Variants in PGAP4 observed in about 807,000 individuals in gnomAD.
PGAP4 encodes the protein GPI-N-acetylgalactosamine transferase PGAP4.
PGAP4 carries 12 observed loss-of-function variants against 28.2 expected under a neutral mutation model. That is an observed-to-expected ratio of 0.42 (90% CI 0.27 to 0.69). PGAP4 has a LOEUF of 0.69. Among genes scored for constraint, PGAP4 ranks in the 30% least tolerant of loss-of-function variants. PGAP4 has a pLI of 0.22. For missense variants in PGAP4, 425 were observed against 513.5 expected, an observed-to-expected ratio of 0.83 and a Z score of 1.67; for synonymous variants, 205 against 211.8, an observed-to-expected ratio of 0.97 and a Z score of 0.28.
intron 2 of PGAP4, among the ~76,000 whole-genome samples, chr9:101,512,696 A>G (rs981640725): frequency 2.0e-5 from 3 of 152,188 alleles, no homozygotes; most frequent in Admixed American, 2.0e-4. Flanking sequence ...CAACAACAAC[A>G]ACAATAATAC....
At chr9:101,494,457 T>A (rs1826718864) in intron 2 of PGAP4, among the ~76,000 whole-genome samples, 1 of 151,920 alleles carries the variant, frequency 6.6e-6, no homozygotes, top group Non-Finnish European at 1.5e-5. Context: ...TAAAAACATT[T>A]AAGTAAAGAG....
In PGAP4 at chr9:101,505,856, G is replaced by T. The variant is rs560381324; in HGVS notation, c.-164-16656C>A. Among the ~76,000 whole-genome samples the T allele has an allele frequency of 2.6e-5, 4 of 152,190 alleles. No individual in the cohort carries two copies. The East Asian group carries it at 7.7e-4, about 29-fold the overall frequency. On this transcript the variant is annotated intron_variant, in intron 2 of 3. Coordinates refer to the PGAP4 transcript ENST00000374851. ...TTCGTAAAAACACAAAAGATAGGTA[G>T]GTGCCTACAGGTTTAGCTGAATTAG... is the stretch of plus-strand genomic sequence containing the variant.
intron 2 of PGAP4, among the ~76,000 whole-genome samples, chr9:101,519,228 G>A (rs189144587): frequency 1.0e-3 from 152 of 152,198 alleles, no homozygotes; most frequent in African/African-American, 3.3e-3. Context: ...TGCAATCTCC[G>A]CTCACTGCAA....
intron 1 of PGAP4, chr9:101,480,655 A>C (rs1588196920): frequency 6.6e-6 from 1 of 152,220 alleles, no homozygotes; most frequent in Non-Finnish European, 1.5e-5. Flanking sequence ...ACATTAATGC[A>C]ATCTACCACA....
intron 2 of PGAP4, among the ~76,000 whole-genome samples, chr9:101,505,859 G>C (rs1303023980): frequency 6.6e-6 from 1 of 152,080 alleles, no homozygotes; most frequent in Admixed American, 6.6e-5. Context: ...ATAGGTAGGT[G>C]CCTACAGGTT....
upstream of PGAP4, among the ~76,000 whole-genome samples, chr9:101,487,361 C>T (rs1304865815): frequency 6.6e-6 from 1 of 152,236 alleles, no homozygotes; most frequent in Non-Finnish European, 1.5e-5. Context: ...ACCAATGGAA[C>T]GATATCTCTC....
intron 2 of PGAP4, among the ~76,000 whole-genome samples, chr9:101,523,226 C>G (rs964697876): frequency 6.6e-6 from 1 of 152,084 alleles, no homozygotes; most frequent in South Asian, 2.1e-4. Flanking sequence ...GTTCTTTGTG[C>G]TTCTTGTGTT....
At chr9:101,517,273 A>G (rs1312078634) in intron 2 of PGAP4, among the ~76,000 whole-genome samples, 2 of 149,102 alleles carry the variant, frequency 1.3e-5, no homozygotes, top group Non-Finnish European at 2.9e-5. Context: ...AATGACAAAG[A>G]AGATGTTGTG....
rs578149675 is a variant in PGAP4 at position 101,526,679 on chromosome 9, C to T, written c.-165+4669G>A. Reference sequence around the variant, plus strand: ...GGCCAGGCTGCTCTTGAACTCCTGACGTCAGGTGATCCACCCACCTTGACC... The same window carrying T: ...GGCCAGGCTGCTCTTGAACTCCTGATGTCAGGTGATCCACCCACCTTGACC... On this transcript the variant is annotated intron_variant, in intron 2 of 3. Coordinates refer to the PGAP4 transcript ENST00000374851. Among the ~76,000 whole-genome samples the T allele has an allele frequency of 9.8e-4, 149 of 152,272 alleles. 1 individual carries two copies. The highest frequency in any genetic ancestry group is 3.0e-3 in the African/African-American group (126 of 41,558).
intron 2 of PGAP4, among the ~76,000 whole-genome samples, chr9:101,525,867 A>T (rs542337805): frequency 4.5e-4 from 69 of 152,314 alleles, no homozygotes; most frequent in Middle Eastern, 3.4e-3. Flanking sequence ...ATATTCGAGG[A>T]CATTTCATGA....
At chr9:101,531,909 A>G (rs1434979062) in intron 1 of PGAP4, among the ~76,000 whole-genome samples, 1 of 152,264 alleles carries the variant, frequency 6.6e-6, no homozygotes, top group Non-Finnish European at 1.5e-5. Context: ...GGAACCAGTA[A>G]AGATTAGTGG....
At chr9:101,495,042 T>A (rs371512202) in intron 2 of PGAP4, among the ~76,000 whole-genome samples, 2 of 142,578 alleles carry the variant, frequency 1.4e-5, no homozygotes, top group African/African-American at 5.1e-5. Context: ...CAATACCATA[T>A]CCCTAAATGT....
chr9:101,504,141 A>G lies in PGAP4; in HGVS notation c.-164-14941T>C, dbSNP rs1443071440. 2.0e-5 allele frequency among the ~76,000 whole-genome samples: 3 copies of G among 148,340 alleles called. No homozygotes were observed. In the East Asian group the frequency reaches 6.0e-4, roughly 30 times the overall value. On this transcript the variant is annotated intron_variant, in intron 2 of 3. Coordinates refer to the PGAP4 transcript ENST00000374851. ...AGTCCTCTCTACTTTATCCCTTACT[A>G]TGAAAGTAACCTGATATTAACCAAT...
chr9:101,532,073 C>T (rs568772030), intron 1 of PGAP4, among the ~76,000 whole-genome samples: 5 of 152,092 alleles, frequency 3.3e-5, no homozygotes, highest in African/African-American at 1.2e-4. Context: ...AGTTTGAGAC[C>T]GGCCTAGCCA....
At chr9:101,508,126 G>GTTT (rs199835888) in intron 2 of PGAP4, among the ~76,000 whole-genome samples, 2 of 127,738 alleles carry the variant, frequency 1.6e-5, no homozygotes, top group Non-Finnish European at 3.3e-5. Flanking sequence ...CTTTTTGAGT[G>GTTT]TTTTTTTTTT....
At chr9:101,503,680 G>A (rs1826823327) in intron 2 of PGAP4, among the ~76,000 whole-genome samples, 1 of 151,950 alleles carries the variant, frequency 6.6e-6, no homozygotes, top group African/African-American at 2.4e-5. Context: ...GGAGGTAAGA[G>A]AGGTGGTAAC....
chr9:101,531,505 A>T (rs1827089469), exon 2 of PGAP4: 3 of 152,220 alleles, frequency 2.0e-5, no homozygotes, highest in Non-Finnish European at 4.4e-5. Context: ...TGGTCGCTCC[A>T]TTCTCAAGAA....
At chr9:101,477,641 CA>C (rs572168783) in intron 1 of PGAP4, among the ~76,000 whole-genome samples, 3 of 151,766 alleles carry the variant, frequency 2.0e-5, no homozygotes, top group Admixed American at 1.3e-4. Flanking sequence ...TAGCAATTTC[CA>C]AAAAAAACTT....
intron 2 of PGAP4, among the ~76,000 whole-genome samples, chr9:101,506,592 C>T (rs978328511): frequency 6.6e-6 from 1 of 152,056 alleles, no homozygotes; most frequent in African/African-American, 2.4e-5. Flanking sequence ...TACGCTTGAC[C>T]ATCTGTCCTA....
Sources: allele counts gnomAD v4.1 joint callset (sites outside exome capture counted in the v4.1 genomes callset), GRCh38; gene constraint gnomAD v4.1.1; transcripts MANE v1.5; gene names NCBI Gene and HGNC (gene_info 2026-07-23, HGNC 2026-07-21).